The following COL8A1 variants were observed in gnomAD, a reference collection of about 807,000 sequenced individuals.
COL8A1 encodes collagen alpha-1(VIII) chain.
A neutral mutation model predicts 42.7 loss-of-function variants in COL8A1; 21 were observed. That is an observed-to-expected ratio of 0.49 (90% confidence interval 0.35 to 0.71). COL8A1 has a LOEUF of 0.71. COL8A1 is among the 30% of genes least tolerant of loss of function. The pLI is 0.01. For synonymous variants in COL8A1, 367 were observed against 369.1 expected (o/e 0.99, Z 0.06); for missense variants, 788 against 962.4 (o/e 0.82, Z 2.40).
chr3:99,728,467 A>T (rs1940403308), intron 1 of COL8A1, among the ~76,000 whole-genome samples: 1 of 152,040 alleles, frequency 6.6e-6, no homozygotes, highest in Admixed American at 6.6e-5. Context: ...AATTTTTCAC[A>T]TTTATTTTAA....
chr3:99,662,289 G>A (rs1224535585), intron 1 of COL8A1, among the ~76,000 whole-genome samples: 1 of 151,946 alleles, frequency 6.6e-6, no homozygotes, highest in Non-Finnish European at 1.5e-5. Context: ...GGCGGAGGCA[G>A]GAGAATCGCT....
chr3:99,707,901 T>TTAA (rs1163832117), intron 1 of COL8A1, among the ~76,000 whole-genome samples: 1 of 150,624 alleles, frequency 6.6e-6, no homozygotes, highest in African/African-American at 2.4e-5. Flanking sequence ...GATAGTGTTT[T>TTAA]TATTATTATT....
chr3:99,699,900 T>A (rs1939487103), intron 1 of COL8A1, among the ~76,000 whole-genome samples: 1 of 152,194 alleles, frequency 6.6e-6, no homozygotes, highest in Non-Finnish European at 1.5e-5. Context: ...AGTCTAGTGA[T>A]AATTAATACA....
chr3:99,771,700 T>C (rs570927928), intron 2 of COL8A1, among the ~76,000 whole-genome samples: 1 of 152,318 alleles, frequency 6.6e-6, no homozygotes, highest in East Asian at 1.9e-4. Context: ...TTTGCTTTCA[T>C]GAAAATCCCA....
At chr3:99,688,341 A>G (rs555432717) in intron 1 of COL8A1, among the ~76,000 whole-genome samples, 5 of 152,242 alleles carry the variant, frequency 3.3e-5, no homozygotes, top group Admixed American at 3.3e-4. Context: ...TCCTGGGGCA[A>G]ATGTTTCCTT....
At chr3:99,740,739 G>T (rs1940876677) in intron 1 of COL8A1, among the ~76,000 whole-genome samples, 1 of 152,098 alleles carries the variant, frequency 6.6e-6, no homozygotes, top group African/African-American at 2.4e-5. Flanking sequence ...GCAAATCTAG[G>T]ATTCAAAGCT....
At chr3:99,706,254 G>GT (rs1939678261) in intron 1 of COL8A1, among the ~76,000 whole-genome samples, 1 of 152,192 alleles carries the variant, frequency 6.6e-6, no homozygotes, top group Admixed American at 6.5e-5. Context: ...ACTTTTGACA[G>GT]TAGGAATGGA....
chr3:99,665,557 C>T (rs1027998990), intron 1 of COL8A1, among the ~76,000 whole-genome samples: 2 of 152,164 alleles, frequency 1.3e-5, no homozygotes, highest in Non-Finnish European at 2.9e-5. Flanking sequence ...CCATCAGCAT[C>T]CAGTTACTTA....
intron 1 of COL8A1, among the ~76,000 whole-genome samples, chr3:99,732,564 C>A (rs1940547259): frequency 6.6e-6 from 1 of 152,106 alleles, no homozygotes; most frequent in Non-Finnish European, 1.5e-5. Flanking sequence ...AGGGTAACCA[C>A]CCTCATGATT....
rs973192820 is a variant in COL8A1, at chr3:99,798,304, T to C, written c.*2168T>C. ...AAAAAGATGTCCTCCACAACCTTTGTTTTCAAAGCAGACAGCATCTATGTG... is the reference window on the plus strand; with the variant it reads ...AAAAAGATGTCCTCCACAACCTTTGCTTTCAAAGCAGACAGCATCTATGTG... On this transcript the variant is annotated 3_prime_UTR_variant, in exon 4 of 4. Coordinates refer to ENST00000652472, the MANE Select transcript of COL8A1 (RefSeq NM_020351.4). 6.6e-6 allele frequency: 1 copy of C among 152,196 alleles called. No individual in the cohort carries two copies. Among genetic ancestry groups the C allele is most frequent in the Non-Finnish European group, 1.5e-5 (1 of 68,046 alleles). The allele number at this position is 152,196 out of a possible 1,614,324, so 9.4% of individuals were successfully genotyped here.
intron 2 of COL8A1, among the ~76,000 whole-genome samples, chr3:99,779,333 G>C (rs747772512): frequency 6.6e-6 from 1 of 152,152 alleles, no homozygotes; most frequent in Non-Finnish European, 1.5e-5. Flanking sequence ...AGCATGGAAA[G>C]ATAAAGCTAA....
intron 2 of COL8A1, among the ~76,000 whole-genome samples, chr3:99,764,843 T>C (rs1254934959): frequency 6.6e-6 from 1 of 151,864 alleles, no homozygotes; most frequent in Non-Finnish European, 1.5e-5. Context: ...GGTGCTTAAA[T>C]CAATTAATCA....
chr3:99,795,055 T>G lies in COL8A1; in HGVS notation c.1154T>G (p.Ile385Arg). ...GEKGPIGAPG[I>R]GGPPGEPGLP... Reference sequence around the variant, plus strand: ...AAAGGACCAATAGGTGCCCCAGGAATAGGGGGTCCTCCAGGAGAGCCAGGC... The same window carrying G: ...AAAGGACCAATAGGTGCCCCAGGAAGAGGGGGTCCTCCAGGAGAGCCAGGC... Residue 385 changes from isoleucine (I) to arginine (R), a missense_variant, in exon 4 of 4, where the codon ATA becomes AGA. Transcript: ENST00000652472. 1 of 1,609,342 alleles carries G rather than the reference T, an allele frequency of 6.2e-7. No homozygotes were observed. Among genetic ancestry groups the G allele is most frequent in the East Asian group, 2.2e-5 (1 of 44,784 alleles).
chr3:99,713,651 A>C (rs758021455), intron 1 of COL8A1, among the ~76,000 whole-genome samples: 13 of 152,054 alleles, frequency 8.5e-5, no homozygotes, highest in Non-Finnish European at 1.6e-4. Flanking sequence ...TGAGCTAAGC[A>C]CCTTGCCAGA....
intron 1 of COL8A1, among the ~76,000 whole-genome samples, chr3:99,685,119 G>A (rs746836206): frequency 3.3e-5 from 5 of 152,044 alleles, no homozygotes; most frequent in Non-Finnish European, 7.4e-5. Context: ...AGAAAAAAAT[G>A]ACATCAACCA....
At chr3:99,673,175 AT>A (rs72212404) in intron 1 of COL8A1, among the ~76,000 whole-genome samples, 5,234 of 151,358 alleles carry the variant, frequency 0.035, 145 homozygotes, top group East Asian at 0.068. Context: ...ATTTTTGTGG[AT>A]TTTTTTTTAA....
intron 1 of COL8A1, among the ~76,000 whole-genome samples, chr3:99,651,348 C>A (rs1429779238): frequency 1.3e-5 from 2 of 152,200 alleles, no homozygotes; most frequent in African/African-American, 4.8e-5. Flanking sequence ...TTTTGCTTTT[C>A]TTTCCTCCTG....
chr3:99,714,028 G>A (rs958927988), intron 1 of COL8A1, among the ~76,000 whole-genome samples: 5 of 152,020 alleles, frequency 3.3e-5, no homozygotes, highest in African/African-American at 9.7e-5. Context: ...CAAGGCAAAT[G>A]AAAAACACAA....
intron 1 of COL8A1, among the ~76,000 whole-genome samples, chr3:99,703,919 T>A (rs1475477026): frequency 6.6e-6 from 1 of 152,232 alleles, no homozygotes; most frequent in African/African-American, 2.4e-5. Flanking sequence ...ACTTCTCATC[T>A]ATGGTTTTTT....
Sources: gnomAD v4.1 joint callset for allele counts (sites outside exome capture counted in the v4.1 genomes callset) on GRCh38, gnomAD v4.1.1 for gene constraint, MANE v1.5 for transcripts, NCBI Gene and HGNC (gene_info 2026-07-23, HGNC 2026-07-21) for gene names.